The following BMPER variants were observed in gnomAD, a reference collection of about 807,000 sequenced individuals.
BMPER encodes BMP binding endothelial regulator, also known as BMP-binding endothelial regulator protein.
A neutral mutation model predicts 87.3 loss-of-function variants in BMPER; 45 were observed. The ratio of observed to expected loss-of-function variants is 0.52; its 90% confidence interval spans 0.41 to 0.66. BMPER has a LOEUF of 0.66. Among genes scored for constraint, BMPER ranks in the 30% least tolerant of loss-of-function variants. The pLI is 0.00. For synonymous variants in BMPER, 326 were observed against 316.2 expected, an observed-to-expected ratio of 1.03 and a Z score of -0.33; for missense variants, 784 against 867.5, an observed-to-expected ratio of 0.90 and a Z score of 1.21.
At chr7:34,045,556 C>T (rs1787939789) in intron 6 of BMPER, among the ~76,000 whole-genome samples, 1 of 152,150 alleles carries the variant, frequency 6.6e-6, no homozygotes, top group African/African-American at 2.4e-5. Flanking sequence ...TCAGAGACTC[C>T]ATAACTTCTC....
intron 3 of BMPER, among the ~76,000 whole-genome samples, chr7:33,955,594 A>T (rs1484221695): frequency 6.6e-6 from 1 of 152,224 alleles, no homozygotes; most frequent in Non-Finnish European, 1.5e-5. Flanking sequence ...GGCCGGCTTC[A>T]TCCCACAGTG....
At chr7:34,103,443 T>C (rs1789736000) in intron 13 of BMPER, among the ~76,000 whole-genome samples, 1 of 152,182 alleles carries the variant, frequency 6.6e-6, no homozygotes, top group Non-Finnish European at 1.5e-5. Context: ...AGCGATACAT[T>C]ACCCCTCTGT....
chr7:34,103,355 A>C (rs1789732884), intron 13 of BMPER, among the ~76,000 whole-genome samples: 1 of 152,172 alleles, frequency 6.6e-6, no homozygotes, highest in Non-Finnish European at 1.5e-5. Context: ...GTCAAACTTC[A>C]CCAGGCATCA....
chr7:33,905,492 C>T, upstream of BMPER: 3 of 1,425,132 alleles, frequency 2.1e-6, no homozygotes, highest in Admixed American at 4.0e-5. Flanking sequence ...CGCCCGCCTC[C>T]CTCCTTCGCG....
intron 2 of BMPER, among the ~76,000 whole-genome samples, chr7:33,914,125 G>A (rs1784032180): frequency 6.6e-6 from 1 of 151,296 alleles, no homozygotes; most frequent in Non-Finnish European, 1.5e-5. Context: ...ACTATGCCCG[G>A]CTAATTTTTT....
intron 3 of BMPER, among the ~76,000 whole-genome samples, chr7:33,960,489 C>G (rs1785241484): frequency 6.6e-6 from 1 of 152,196 alleles, no homozygotes; most frequent in Non-Finnish European, 1.5e-5. Flanking sequence ...GGCCTGGAAG[C>G]AGCAAAGCAT....
Position 34,046,404 on chromosome 7 carries a change from G to T in BMPER, c.675G>T (p.Leu225Phe). Residue 225 changes from leucine to phenylalanine, a missense_variant and splice_region_variant, in exon 7 of 15, where the codon TTG (leucine) becomes TTT (phenylalanine). Coordinates refer to ENST00000649409, the MANE Select transcript of BMPER (RefSeq NM_001365308.1). Reference protein sequence around the residue: ...IPPGQCCPKCLGQRKVFDLPF... With the variant: ...IPPGQCCPKCFGQRKVFDLPF... The stretch of plus-strand genomic sequence containing the variant: ...CAGGACAGTGCTGCCCCAAATGTTT[G>T]GGTGAGTTACTATTTTCAGGTCAAA... 1 of 1,612,724 alleles carries T rather than the reference G, an allele frequency of 6.2e-7. No homozygotes were observed. The highest frequency in any genetic ancestry group is 1.7e-4 in the Middle Eastern group (1 of 6,054).
intron 11 of BMPER, among the ~76,000 whole-genome samples, chr7:34,072,179 G>A (rs997891350): frequency 6.6e-6 from 1 of 152,218 alleles, no homozygotes; most frequent in Non-Finnish European, 1.5e-5. Context: ...GAGGATGAAA[G>A]GGGATACTGA....
chr7:34,023,967 C>A (rs1335276207), intron 6 of BMPER, among the ~76,000 whole-genome samples: 1 of 151,776 alleles, frequency 6.6e-6, no homozygotes, highest in Non-Finnish European at 1.5e-5. Flanking sequence ...AAAACAGCCT[C>A]CCTTGATTCC....
intron 3 of BMPER, among the ~76,000 whole-genome samples, chr7:33,950,960 C>T (rs2128613165): frequency 6.6e-6 from 1 of 152,216 alleles, no homozygotes; most frequent in South Asian, 2.1e-4. Flanking sequence ...ATTCCCTCTC[C>T]TCCTCTGGTT....
intron 3 of BMPER, among the ~76,000 whole-genome samples, chr7:33,958,904 AGATAATTGAATG>A: frequency 6.6e-6 from 1 of 152,202 alleles, no homozygotes; most frequent in African/African-American, 2.4e-5. Flanking sequence ...GGCCAGGTGG[AGATAATTGAATG>A]GTGGGGGCAG....
At chr7:34,027,642 A>C (rs985692746) in intron 6 of BMPER, among the ~76,000 whole-genome samples, 1 of 152,100 alleles carries the variant, frequency 6.6e-6, no homozygotes, top group Admixed American at 6.6e-5. Context: ...TTGACAGACA[A>C]ATTATGGTTA....
At chr7:33,912,549 A>G (rs924566331) in intron 2 of BMPER, among the ~76,000 whole-genome samples, 1 of 152,210 alleles carries the variant, frequency 6.6e-6, no homozygotes, top group Non-Finnish European at 1.5e-5. Flanking sequence ...GGAGGGCAGT[A>G]GAATAGGAGA....
chr7:34,027,057 C>A (rs1787376626), intron 6 of BMPER, among the ~76,000 whole-genome samples: 1 of 151,908 alleles, frequency 6.6e-6, no homozygotes, highest in African/African-American at 2.4e-5. Flanking sequence ...TTTGCATGAC[C>A]CAAATGTGCT....
At chr7:33,950,273 C>T (rs1170074585) in intron 3 of BMPER, among the ~76,000 whole-genome samples, 1 of 152,186 alleles carries the variant, frequency 6.6e-6, no homozygotes, top group East Asian at 1.9e-4. Context: ...TGCAAAGTGC[C>T]TGACAGCCAT....
intron 13 of BMPER, among the ~76,000 whole-genome samples, chr7:34,095,767 C>G (rs1431626788): frequency 4.6e-5 from 7 of 152,084 alleles, no homozygotes; most frequent in African/African-American, 1.4e-4. Flanking sequence ...AACCTCAAGC[C>G]TGGTTTTATT....
At chr7:33,935,220 C>T (rs187668628) in intron 2 of BMPER, among the ~76,000 whole-genome samples, 5 of 152,222 alleles carry the variant, frequency 3.3e-5, no homozygotes, top group East Asian at 1.9e-4. Flanking sequence ...TTCTGGGGAG[C>T]GTGGAGCCAG....
chr7:33,974,344 T>C (rs569747256), intron 5 of BMPER, among the ~76,000 whole-genome samples: 3 of 152,178 alleles, frequency 2.0e-5, no homozygotes, highest in African/African-American at 7.2e-5. Flanking sequence ...CTTCTCTCCC[T>C]TGGCCTTCCA....
At chr7:33,913,559 T>G (rs1415518734) in intron 2 of BMPER, among the ~76,000 whole-genome samples, 2 of 152,146 alleles carry the variant, frequency 1.3e-5, no homozygotes, top group African/African-American at 4.8e-5. Flanking sequence ...GGTGTTGGGA[T>G]AAACCAATGT....
Sources: gnomAD v4.1 joint callset for allele counts (sites outside exome capture counted in the v4.1 genomes callset) on GRCh38, gnomAD v4.1.1 for gene constraint, MANE v1.5 for transcripts, NCBI Gene and HGNC (gene_info 2026-07-23, HGNC 2026-07-21) for gene names.